Variants in MRPS27 observed in about 807,000 individuals in gnomAD.
The protein encoded by MRPS27 is small ribosomal subunit protein mS27.
MRPS27 carries 43 observed loss-of-function variants against 48.9 expected under a neutral mutation model. The observed-to-expected ratio is 0.88, with a 90% confidence interval of 0.69 to 1.13. The LOEUF is 1.13. Among genes scored for constraint, MRPS27 ranks in the 50% most tolerant of loss-of-function variants. The pLI is 0.00. For synonymous variants in MRPS27, 188 were observed against 171.9 expected, an observed-to-expected ratio of 1.09 and a Z score of -0.73; for missense variants, 467 against 476.3, an observed-to-expected ratio of 0.98 and a Z score of 0.18.
At position 72,295,533 on chromosome 5, in the gene MRPS27, G is replaced by A. The variant is rs369001011; in HGVS notation, c.279C>T (p.Tyr93=). 1.9e-6 allele frequency: 3 copies of A among 1,606,724 alleles called. No individual in the cohort carries two copies. The highest frequency in any genetic ancestry group is 2.7e-5 in the African/African-American group (2 of 74,730). The part of the protein sequence containing the change: ...EEIDHAEYYL[Y]KFRHSPNCWY... ...GCCAAATCAAATGGAAAACTTACTT[G>A]TAAAGGTAATACTCTGCATGATCTA... Residue 93 remains tyrosine (Y), a splice_region_variant and synonymous_variant, in exon 4 of 11, where the codon TAC becomes TAT. Transcript: ENST00000261413.
chr5:72,278,905 T>C (rs151189225), intron 4 of MRPS27, among the ~76,000 whole-genome samples: 1 of 152,350 alleles, frequency 6.6e-6, no homozygotes, highest in Admixed American at 6.5e-5. Context: ...TTGGAGGATA[T>C]TTAAGTTGCT....
intron 4 of MRPS27, among the ~76,000 whole-genome samples, chr5:72,266,853 T>C (rs1344979787): frequency 6.6e-6 from 1 of 151,624 alleles, no homozygotes; most frequent in Admixed American, 6.6e-5. Flanking sequence ...GAGCGAGATT[T>C]CGTCTCAAAA....
chr5:72,250,738 G>A (rs1748643268), intron 4 of MRPS27, among the ~76,000 whole-genome samples: 1 of 152,134 alleles, frequency 6.6e-6, no homozygotes, highest in African/African-American at 2.4e-5. Context: ...ACCAAACACA[G>A]TAAAAATATG....
At chr5:72,232,361 A>G (rs578169317) in intron 7 of MRPS27, 82 bp downstream of exon 7, 1 of 956,748 alleles carries the variant, frequency 1.0e-6, no homozygotes, top group South Asian at 1.6e-5. Flanking sequence ...AGAGCTGCAG[A>G]CACCTTTTTC....
At chr5:72,230,725 T>C (rs1264760088) in intron 7 of MRPS27, among the ~76,000 whole-genome samples, 1 of 152,132 alleles carries the variant, frequency 6.6e-6, no homozygotes. Flanking sequence ...AATTTCAAAA[T>C]GCAACATGTT....
chr5:72,298,265 A>C (rs996935659), intron 2 of MRPS27, among the ~76,000 whole-genome samples: 1 of 152,190 alleles, frequency 6.6e-6, no homozygotes, highest in African/African-American at 2.4e-5. Context: ...CAGTCAACCA[A>C]CATAGGAAAA....
At chr5:72,317,033 A>G (rs1052720777) in intron 1 of MRPS27, among the ~76,000 whole-genome samples, 1 of 151,764 alleles carries the variant, frequency 6.6e-6, no homozygotes, top group Non-Finnish European at 1.5e-5. Context: ...CCGTCTCAAA[A>G]AAAAAAAAAA....
At chr5:72,251,598 C>G (rs970262113) in intron 4 of MRPS27, among the ~76,000 whole-genome samples, 8 of 152,188 alleles carry the variant, frequency 5.3e-5, no homozygotes, top group African/African-American at 1.9e-4. Flanking sequence ...GGGGTTTATA[C>G]CTTGAGCTTT....
chr5:72,240,360 G>A (rs1748317143), intron 4 of MRPS27, among the ~76,000 whole-genome samples: 1 of 152,146 alleles, frequency 6.6e-6, no homozygotes, highest in African/African-American at 2.4e-5. Context: ...AGGGTTTTTG[G>A]TAGTAGCAGT....
chr5:72,244,446 T>C (rs1323282663), intron 4 of MRPS27, among the ~76,000 whole-genome samples: 1 of 152,176 alleles, frequency 6.6e-6, no homozygotes. Context: ...AGGAGAGTTA[T>C]TCTTATTATC....
At chr5:72,302,044 G>C (rs1375428783) in intron 2 of MRPS27, among the ~76,000 whole-genome samples, 1 of 152,226 alleles carries the variant, frequency 6.6e-6, no homozygotes, top group African/African-American at 2.4e-5. Context: ...TACTGTGGCA[G>C]ATGGTTGTGG....
intron 4 of MRPS27, among the ~76,000 whole-genome samples, chr5:72,274,867 T>C (rs1749334207): frequency 6.6e-6 from 1 of 152,204 alleles, no homozygotes; most frequent in South Asian, 2.1e-4. Flanking sequence ...CTGTTGTGTA[T>C]GCAGTAGGTG....
Position 72,238,005 on chromosome 5 carries a change from A to C in MRPS27, c.396+9T>G, listed in dbSNP as rs545900256. The C allele has an allele frequency of 6.3e-7, 1 of 1,594,660 alleles. No individual in the cohort carries two copies. The highest frequency in any genetic ancestry group is 8.6e-7 in the Non-Finnish European group (1 of 1,162,636). On this transcript the variant is annotated intron_variant, in intron 5 of 10. Coordinates refer to ENST00000261413, the MANE Select transcript of MRPS27 (RefSeq NM_015084.3). Reference sequence around the variant, plus strand: ...GGAAAACAGGCTGCAGATCCACGGAACAACTCACCTTATTTACAAGGGTAT... The same window carrying C: ...GGAAAACAGGCTGCAGATCCACGGACCAACTCACCTTATTTACAAGGGTAT...
chr5:72,249,809 G>A (rs1406230625), intron 4 of MRPS27, among the ~76,000 whole-genome samples: 8 of 151,826 alleles, frequency 5.3e-5, no homozygotes, highest in Admixed American at 3.3e-4. Context: ...GTGAAACCCC[G>A]TCTCTACTAA....
intron 4 of MRPS27, among the ~76,000 whole-genome samples, chr5:72,246,649 T>C (rs1748519105): frequency 6.6e-6 from 1 of 152,232 alleles, no homozygotes; most frequent in South Asian, 2.1e-4. Context: ...ATCTTTAATT[T>C]AGTGCTGGTA....
intron 1 of MRPS27, 83 bp downstream of exon 1, chr5:72,320,066 G>T: frequency 7.0e-7 from 1 of 1,435,394 alleles, no homozygotes; most frequent in Non-Finnish European, 9.8e-7. Context: ...TTCCAGAAAC[G>T]TTTCCTCTCC....
intron 4 of MRPS27, among the ~76,000 whole-genome samples, chr5:72,240,245 A>G (rs6864011): frequency 0.96 from 146,833 of 152,246 alleles, 70,830 homozygotes; most frequent in East Asian, 1. Flanking sequence ...TTTCCTTTTC[A>G]GGGCATTTAG....
chr5:72,254,928 G>A (rs73761743), intron 4 of MRPS27, among the ~76,000 whole-genome samples: 9,659 of 151,378 alleles, frequency 0.064, 550 homozygotes, highest in African/African-American at 0.15. Context: ...AGTGTCTGCT[G>A]CCAAGAAATC....
At chr5:72,224,704 GA>G (rs1358870227) in intron 9 of MRPS27, among the ~76,000 whole-genome samples, 1 of 152,222 alleles carries the variant, frequency 6.6e-6, no homozygotes, top group Non-Finnish European at 1.5e-5. Flanking sequence ...GCAAAGACCA[GA>G]GATGCAGACA....
Sources: gnomAD v4.1 joint callset for allele counts (sites outside exome capture counted in the v4.1 genomes callset) on GRCh38, gnomAD v4.1.1 for gene constraint, MANE v1.5 for transcripts, NCBI Gene and HGNC (gene_info 2026-07-23, HGNC 2026-07-21) for gene names.